PDE10A: variants seen among roughly 807,000 people sequenced by gnomAD.
PDE10A encodes the protein phosphodiesterase 10A.
In PDE10A, 39 loss-of-function variants were observed where a neutral mutation model predicts 97.7. The ratio of observed to expected loss-of-function variants is 0.40; its 90% CI spans 0.31 to 0.52. The LOEUF (loss-of-function observed/expected upper bound fraction) is 0.52, where lower values mean the gene tolerates loss of function less well. PDE10A is among the 20% of genes least tolerant of loss of function. PDE10A has a pLI of 0.56. For missense variants in PDE10A, 731 were observed against 1,047.8 expected (o/e 0.70, Z 4.17); for synonymous variants, 371 against 376.8 (o/e 0.98, Z 0.18).
In PDE10A at chr6:165,752,570, A is replaced by G. The variant is rs1707312348; in HGVS notation, c.-614-209002T>C. Among the ~76,000 whole-genome samples the G allele has an allele frequency of 3.3e-5, 5 of 152,248 alleles. No homozygotes were observed. In the South Asian group the frequency reaches 1.0e-3, roughly 31 times the overall value. On this transcript the variant is annotated intron_variant, in intron 1 of 19. Coordinates refer to the PDE10A transcript ENST00000366882. ...TGAATTATACAGTAATTCTTCTACA[A>G]TCATTTACTTCATTTTCTTAAATCA...
chr6:165,699,350 C>T (rs533715434), intron 1 of PDE10A, among the ~76,000 whole-genome samples: 129 of 152,040 alleles, frequency 8.5e-4, no homozygotes, highest in Non-Finnish European at 1.6e-3. Context: ...GAAACAAAAC[C>T]TAATGAACAT....
At chr6:165,902,055 A>T (rs371799198) in intron 1 of PDE10A, among the ~76,000 whole-genome samples, 8 of 150,658 alleles carry the variant, frequency 5.3e-5, no homozygotes, top group African/African-American at 1.7e-4. Context: ...GTAGGAAATC[A>T]TGGTCAACAA....
intron 1 of PDE10A, among the ~76,000 whole-genome samples, chr6:165,751,229 T>G (rs1792993002): frequency 6.6e-6 from 1 of 152,182 alleles, no homozygotes; most frequent in Non-Finnish European, 1.5e-5. Context: ...CCAGTTATAC[T>G]TTGGCCCTTG....
intron 3 of PDE10A, among the ~76,000 whole-genome samples, chr6:165,455,896 C>T (rs1188940280): frequency 6.6e-6 from 1 of 152,178 alleles, no homozygotes; most frequent in Non-Finnish European, 1.5e-5. Flanking sequence ...TTGTCCAAGT[C>T]TTGTTCTTAC....
At chr6:165,461,894 G>A (rs935988436) in intron 3 of PDE10A, among the ~76,000 whole-genome samples, 2 of 152,234 alleles carry the variant, frequency 1.3e-5, no homozygotes, top group African/African-American at 4.8e-5. Flanking sequence ...TTTACAGGAG[G>A]AGTTAATCCT....
Position 165,381,162 on chromosome 6 carries a change from C to T in PDE10A, c.2611-1796G>A, listed in dbSNP as rs377035928. On this transcript the variant is annotated intron_variant, in intron 17 of 21. Coordinates refer to ENST00000539869, the MANE Select transcript of PDE10A (RefSeq NM_001385079.1). ...TAAAATAGGGTCTCCTTAGCCTAGG[C>T]TCTGTAAATTCTGTAGGGGGACAAA... Among the ~76,000 whole-genome samples, 21 of 152,310 alleles carry T rather than the reference C, an allele frequency of 1.4e-4. 1 individual carries two copies. The highest frequency in any genetic ancestry group is 4.3e-4 in the African/African-American group (18 of 41,560).
At chr6:165,607,321 A>G (rs1402084846) in intron 1 of PDE10A, among the ~76,000 whole-genome samples, 2 of 152,238 alleles carry the variant, frequency 1.3e-5, no homozygotes, top group African/African-American at 4.8e-5. Flanking sequence ...ATGGTCCCAT[A>G]ATATTATAAC....
rs186201907 is a variant in PDE10A, at chr6:165,454,319, A to G, written c.1024-3957T>C. 3.4e-4 allele frequency among the ~76,000 whole-genome samples: 52 copies of G among 152,302 alleles called. 1 individual carries two copies. Among genetic ancestry groups the G allele is most frequent in the African/African-American group, 1.2e-3 (51 of 41,562 alleles). ...GATGCTGTACAACTTAAGAACTTTG[A>G]GGCCACTGAAATGTGTACACTACAT... On this transcript the variant is annotated intron_variant, in intron 3 of 21. Transcript: ENST00000539869.
At chr6:165,488,760 G>A (rs967283522) in intron 2 of PDE10A, among the ~76,000 whole-genome samples, 3 of 152,128 alleles carry the variant, frequency 2.0e-5, no homozygotes, top group African/African-American at 7.2e-5. Flanking sequence ...GGCATGGTGG[G>A]TGTGAGCTGC....
At chr6:165,894,002 G>A (rs1377448144) in intron 1 of PDE10A, among the ~76,000 whole-genome samples, 1 of 152,170 alleles carries the variant, frequency 6.6e-6, no homozygotes, top group Non-Finnish European at 1.5e-5. Context: ...ACCAAGTGAT[G>A]TGTTCATGGC....
rs369042382 is a variant in PDE10A at position 165,482,358 on chromosome 6, G to A, written c.995-15C>T. On this transcript the variant is annotated splice_polypyrimidine_tract_variant and intron_variant, in intron 2 of 21. Coordinates refer to ENST00000539869, the MANE Select transcript of PDE10A (RefSeq NM_001385079.1). ...AGCTGATTCATCTGGGGATAGAGAA[G>A]GAAGAGGGAAAAACACAATTAGCGA... is the stretch of plus-strand genomic sequence containing the variant. 3 of 1,595,482 alleles carry A rather than the reference G, an allele frequency of 1.9e-6. No homozygotes were observed. Among genetic ancestry groups the A allele is most frequent in the African/African-American group, 2.7e-5 (2 of 74,372 alleles).
At chr6:165,984,516 G>T (rs1785122313) in intron 1 of PDE10A, among the ~76,000 whole-genome samples, 1 of 152,182 alleles carries the variant, frequency 6.6e-6, no homozygotes, top group South Asian at 2.1e-4. Context: ...GACTTCGTCT[G>T]CTCTTAACCA....
intron 1 of PDE10A, among the ~76,000 whole-genome samples, chr6:165,824,476 A>G (rs570849076): frequency 6.6e-6 from 1 of 152,308 alleles, no homozygotes; most frequent in South Asian, 2.1e-4. Context: ...CTCATAACCT[A>G]TGTTTACCTC....
intron 1 of PDE10A, among the ~76,000 whole-genome samples, chr6:165,645,693 A>C (rs1282298373): frequency 6.6e-6 from 1 of 151,838 alleles, no homozygotes; most frequent in Non-Finnish European, 1.5e-5. Flanking sequence ...ATCTCTACTA[A>C]AAATACAAAA....
intron 3 of PDE10A, among the ~76,000 whole-genome samples, chr6:165,454,498 A>T (rs1329567008): frequency 6.6e-6 from 1 of 152,200 alleles, no homozygotes; most frequent in African/African-American, 2.4e-5. Flanking sequence ...CGTCTTCATA[A>T]ATAGGTTAAT....
chr6:165,924,457 T>C (rs1408120081), intron 1 of PDE10A, among the ~76,000 whole-genome samples: 1 of 152,032 alleles, frequency 6.6e-6, no homozygotes, highest in Non-Finnish European at 1.5e-5. Context: ...ATTCATGGTG[T>C]CCATGTGGAT....
intron 1 of PDE10A, among the ~76,000 whole-genome samples, chr6:165,558,656 C>T (rs1784376718): frequency 6.6e-6 from 1 of 152,122 alleles, no homozygotes; most frequent in South Asian, 2.1e-4. Context: ...AAGGACATTA[C>T]TATTTATATT....
chr6:165,908,964 A>T (rs971454515), intron 1 of PDE10A: 6 of 152,226 alleles, frequency 3.9e-5, no homozygotes, highest in African/African-American at 1.2e-4. Flanking sequence ...GCTTTTCCTT[A>T]GAAAGCAGTT....
intron 1 of PDE10A, among the ~76,000 whole-genome samples, chr6:165,681,103 A>C (rs1457234766): frequency 6.6e-6 from 1 of 152,232 alleles, no homozygotes; most frequent in Non-Finnish European, 1.5e-5. Flanking sequence ...ATCACAGTAT[A>C]GACCAACTTT....
Sources: gnomAD v4.1 joint callset for allele counts (sites outside exome capture counted in the v4.1 genomes callset) on GRCh38, gnomAD v4.1.1 for gene constraint, MANE v1.5 for transcripts, NCBI Gene and HGNC (gene_info 2026-07-23, HGNC 2026-07-21) for gene names.